GART: variants seen among roughly 807,000 people sequenced by gnomAD.
The protein encoded by GART is trifunctional purine biosynthetic protein adenosine-3.
GART carries 43 observed loss-of-function variants against 107.2 expected under a neutral mutation model. The observed-to-expected ratio is 0.40, with a 90% CI of 0.31 to 0.52. GART has a LOEUF of 0.52. Among genes scored for constraint, GART ranks in the 20% least tolerant of loss-of-function variants. The pLI is 0.52. For missense variants in GART, 1,107 were observed against 1,206.5 expected (o/e 0.92, Z 1.22); for synonymous variants, 434 against 427.0 (o/e 1.02, Z -0.20).
At chr21:33,531,182 T>A in intron 6 of GART, 1 of 396,426 alleles carries the variant, frequency 2.5e-6, no homozygotes, top group East Asian at 4.3e-5. Context: ...AAACTTGGTT[T>A]AAGGTGACTT....
At chr21:33,542,282 C>G (rs919240948), upstream of GART, 6 of 152,284 alleles carry the variant, frequency 3.9e-5, no homozygotes, top group East Asian at 1.9e-4. Flanking sequence ...CCGAGACACC[C>G]AAGCCTTAGC....
At chr21:33,541,690 A>G (rs990015980) in intron 1 of GART, among the ~76,000 whole-genome samples, 4 of 152,306 alleles carry the variant, frequency 2.6e-5, no homozygotes, top group African/African-American at 7.2e-5. Context: ...CATAAGCAGA[A>G]TAAGACAGGC....
chr21:33,534,496 T>C, intron 4 of GART, 83 bp downstream of exon 4: 4 of 1,441,656 alleles, frequency 2.8e-6, no homozygotes, highest in Non-Finnish European at 3.8e-6. Flanking sequence ...GGATTACAGG[T>C]GAGCTACTGT....
At chr21:33,534,178 C>T (rs774161533) in intron 4 of GART, among the ~76,000 whole-genome samples, 1 of 152,080 alleles carries the variant, frequency 6.6e-6, no homozygotes, top group Non-Finnish European at 1.5e-5. Context: ...GCCTAAAGAC[C>T]TAGCATTACA....
At chr21:33,536,585 G>A (rs2085309127) in intron 2 of GART, among the ~76,000 whole-genome samples, 2 of 152,206 alleles carry the variant, frequency 1.3e-5, no homozygotes, top group Admixed American at 6.5e-5. Context: ...AAACACCTAT[G>A]ATAAAGTTTA....
intron 7 of GART, among the ~76,000 whole-genome samples, chr21:33,529,355 T>C (rs1418180038): frequency 6.6e-6 from 1 of 152,128 alleles, no homozygotes; most frequent in Non-Finnish European, 1.5e-5. Context: ...TACCAAATGG[T>C]AGTTTTAATA....
chr21:33,528,653 T>C (rs755784627), intron 8 of GART, 49 bp from the exon 9 acceptor site: 2 of 1,259,980 alleles, frequency 1.6e-6, no homozygotes, highest in East Asian at 2.4e-5. Flanking sequence ...AAATCTATGA[T>C]GAAGACACTG....
Position 33,504,547 on chromosome 21 carries a change from TAG to T in GART, c.2726-22_2726-21del. 6.5e-7 allele frequency: 1 copy of T among 1,541,382 alleles called. No individual in the cohort carries two copies. Among genetic ancestry groups the T allele is most frequent in the Non-Finnish European group, 9.0e-7 (1 of 1,116,198 alleles). On this transcript the variant is annotated intron_variant, in intron 20 of 21. Coordinates refer to ENST00000381815, the MANE Select transcript of GART (RefSeq NM_000819.5). ...TTTTTCCTAAAAATTAAAAAAAGCATAGTGGTCAGAATTTAAAAATCCTGGGT... is the reference window on the plus strand; with the variant it reads ...TTTTTCCTAAAAATTAAAAAAAGCATTGGTCAGAATTTAAAAATCCTGGGT...
rs758722059 is a variant in GART at position 33,511,275 on chromosome 21, C to T, written c.2291G>A (p.Gly764Asp). Residue 764 changes from glycine to aspartate, a missense_variant, in exon 17 of 22, where the codon GGC (glycine) becomes GAC (aspartate). Coordinates refer to ENST00000381815, the MANE Select transcript of GART (RefSeq NM_000819.5). ...ACCTTCAGCTCGTGCAACCACACTG[C>T]CAATCACCCAGGCTTCTTCCTTGTG... ...QQHKEEAWVI[G>D]SVVARAEGSP... 2 of 1,614,146 alleles carry T rather than the reference C, an allele frequency of 1.2e-6. No individual in the cohort carries two copies. Among genetic ancestry groups the T allele is most frequent in the Non-Finnish European group, 1.7e-6 (2 of 1,180,036 alleles).
intron 11 of GART, 33 bp downstream of exon 11, chr21:33,524,736 A>G (rs749696899): frequency 6.2e-7 from 1 of 1,613,504 alleles, no homozygotes; most frequent in Non-Finnish European, 8.5e-7. Flanking sequence ...AGTTTCTGAA[A>G]TGGCACTACA....
At chr21:33,518,249 G>A (rs1407518211) in intron 14 of GART, among the ~76,000 whole-genome samples, 2 of 152,198 alleles carry the variant, frequency 1.3e-5, no homozygotes, top group African/African-American at 2.4e-5. Context: ...TTGGGAGGCC[G>A]AGGCAGGTGG....
chr21:33,515,677 G>GA (rs2084864208), intron 16 of GART, among the ~76,000 whole-genome samples: 1 of 121,642 alleles, frequency 8.2e-6, no homozygotes, highest in South Asian at 2.7e-4. Context: ...AAAAAAAAAC[G>GA]AAAAACAAAA....
At chr21:33,517,237 G>A (rs2084895043) in intron 15 of GART, 96 bp from the exon 16 acceptor site, 3 of 1,556,630 alleles carry the variant, frequency 1.9e-6, no homozygotes, top group African/African-American at 2.7e-5. Context: ...CTACAATAAT[G>A]ACCAAGTAGC....
chr21:33,520,958 A>T lies in GART; in HGVS notation c.1451T>A (p.Phe484Tyr). 1 of 1,614,160 alleles carries T rather than the reference A, an allele frequency of 6.2e-7. No individual in the cohort carries two copies. ...AGLFDLKAAG[F>Y]KDPLLASGTD... is the part of the protein sequence containing the mutation. ...TCCAGAGGCCAGAAGGGGATCTTTG[A>T]AACCAGCTGCTTTTAAATCAAAAAG... Residue 484 changes from phenylalanine to tyrosine, a missense_variant, in exon 13 of 22, where the codon TTC (phenylalanine) becomes TAC (tyrosine). Phe to Tyr is a conservative substitution (Grantham distance 22). Coordinates refer to ENST00000381815, the MANE Select transcript of GART (RefSeq NM_000819.5).
Position 33,532,398 on chromosome 21 carries a change from T to A in GART, c.475A>T (p.Ile159Phe). The change falls in exon 5 of 22, where the codon ATT (isoleucine) becomes TTT (phenylalanine). Residue 159 changes from isoleucine to phenylalanine, a missense_variant. Coordinates refer to ENST00000381815, the MANE Select transcript of GART (RefSeq NM_000819.5). ...GCCTCTTCTTTGCTCTTTGCAACAA[T>A]CACCCCTTTTCCAGCTGCAAGACCA... ...ASGLAAGKGV[I>F]VAKSKEEACK... 6.2e-7 allele frequency: 1 copy of A among 1,614,106 alleles called. No individual in the cohort carries two copies. The highest frequency in any genetic ancestry group is 8.5e-7 in the Non-Finnish European group (1 of 1,180,020).
chr21:33,534,706 T>C lies in GART; in HGVS notation c.289A>G (p.Thr97Ala). Residue 97 changes from threonine to alanine, a missense_variant, in exon 4 of 22, where the codon ACA (threonine) becomes GCA (alanine). Transcript: ENST00000381815. ...RSAGVQCFGP[T>A]AEAAQLESSK... ...GACTCTAACTGAGCCGCTTCTGCTG[T>C]TGGGCCAAAGCATTGCACTCCTGCA... The C allele has an allele frequency of 1.9e-6, 3 of 1,611,720 alleles. No homozygotes were observed. Among genetic ancestry groups the C allele is most frequent in the Middle Eastern group, 1.7e-4 (1 of 6,038 alleles).
At chr21:33,533,695 A>G (rs943143948) in intron 4 of GART, among the ~76,000 whole-genome samples, 1 of 152,040 alleles carries the variant, frequency 6.6e-6, no homozygotes, top group Non-Finnish European at 1.5e-5. Context: ...TCTTGAGCTT[A>G]AGAGTTTGAG....
rs200320107 is a variant in GART, at chr21:33,505,596, C to T, written c.2690G>A (p.Arg897Lys). The T allele has an allele frequency of 5.2e-5, 83 of 1,605,690 alleles. No homozygotes were observed. Among genetic ancestry groups the T allele is most frequent in the Non-Finnish European group, 6.4e-5 (75 of 1,177,504 alleles). ...IDIVCLAGFM[R>K]ILSGPFVQKW... ...TTGGACAAAGGGGCCAGAAAGAATT[C>T]TCATGAATCCTGCAAGACAGACTAT... is the stretch of plus-strand genomic sequence containing the variant. Residue 897 changes from arginine to lysine, a missense_variant, in exon 20 of 22, where the codon AGA (arginine) becomes AAA (lysine). Physicochemically the swap from Arg to Lys is conservative, Grantham distance 26 (BLOSUM62 2). Coordinates refer to ENST00000381815, the MANE Select transcript of GART (RefSeq NM_000819.5).
At position 33,517,078 on chromosome 21, in the gene GART, C is replaced by T; in HGVS notation, c.2018G>A (p.Gly673Glu). The T allele has an allele frequency of 6.2e-7, 1 of 1,613,938 alleles. No individual in the cohort carries two copies. The highest frequency in any genetic ancestry group is 8.5e-7 in the Non-Finnish European group (1 of 1,179,922). The change falls in exon 16 of 22, where the codon GGA (glycine) becomes GAA (glutamate). Residue 673 changes from glycine to glutamate, a missense_variant. Coordinates refer to ENST00000381815, the MANE Select transcript of GART (RefSeq NM_000819.5). ...AATATGGGCAAAGGCTTTGACATGTCCTGAACGTAGGACAGGTAACAGTGA... is the reference window on the plus strand; with the variant it reads ...AATATGGGCAAAGGCTTTGACATGTTCTGAACGTAGGACAGGTAACAGTGA... ...SHSLLPVLRS[G>E]HVKAFAHITG...
Sources: allele counts gnomAD v4.1 joint callset (sites outside exome capture counted in the v4.1 genomes callset), GRCh38; gene constraint gnomAD v4.1.1; transcripts MANE v1.5; gene names NCBI Gene and HGNC (gene_info 2026-07-23, HGNC 2026-07-21).